The following GRID1 variants were observed in gnomAD, a reference collection of about 807,000 sequenced individuals.
GRID1 encodes glutamate receptor ionotropic, delta-1.
GRID1 carries 28 observed loss-of-function variants against 98.0 expected under a neutral mutation model. The observed-to-expected ratio is 0.29, with a 90% CI of 0.21 to 0.39. The LOEUF is 0.39. Among genes scored for constraint, GRID1 ranks in the 10% least tolerant of loss-of-function variants. The probability of loss-of-function intolerance (pLI) is 1.00; values close to 1 mark genes in which losing one functional copy is unlikely to be tolerated. For missense variants in GRID1, 1,111 were observed against 1,340.5 expected, an observed-to-expected ratio of 0.83 and a Z score of 2.67; for synonymous variants, 553 against 538.5, an observed-to-expected ratio of 1.03 and a Z score of -0.37.
intron 2 of GRID1, among the ~76,000 whole-genome samples, chr10:86,254,019 T>C (rs1296009895): frequency 6.6e-6 from 1 of 151,860 alleles, no homozygotes; most frequent in Non-Finnish European, 1.5e-5. Context: ...CCTTGATTTG[T>C]CACCTGTCAC....
chr10:86,252,542 T>C (rs1400681834), intron 2 of GRID1, among the ~76,000 whole-genome samples: 4 of 152,248 alleles, frequency 2.6e-5, no homozygotes, highest in Admixed American at 1.3e-4. Flanking sequence ...ACACCATCTC[T>C]ACTTTGGTGT....
intron 4 of GRID1, among the ~76,000 whole-genome samples, chr10:86,037,811 T>C (rs879388386): frequency 6.6e-6 from 1 of 152,128 alleles, no homozygotes; most frequent in Admixed American, 6.5e-5. Flanking sequence ...TGGGAAGCCC[T>C]GAGTTGTGCA....
intron 4 of GRID1, among the ~76,000 whole-genome samples, chr10:85,985,330 T>G (rs1341848127): frequency 1.3e-5 from 2 of 152,162 alleles, no homozygotes; most frequent in Non-Finnish European, 2.9e-5. Flanking sequence ...GTCCAGGGCA[T>G]TTTCTGCCAT....
chr10:85,689,482 T>C (rs1163103547), intron 12 of GRID1, among the ~76,000 whole-genome samples: 1 of 150,760 alleles, frequency 6.6e-6, no homozygotes. Flanking sequence ...TCTATAGTTA[T>C]AGAGGCTAGA....
chr10:85,855,322 G>A (rs988553022), intron 7 of GRID1, among the ~76,000 whole-genome samples: 6 of 152,228 alleles, frequency 3.9e-5, no homozygotes, highest in African/African-American at 1.2e-4. Flanking sequence ...GAGCCGTGGT[G>A]AGCCCCTTTC....
chr10:86,203,472 G>C (rs1845981750), intron 3 of GRID1, among the ~76,000 whole-genome samples: 1 of 149,644 alleles, frequency 6.7e-6, no homozygotes, highest in South Asian at 2.1e-4. Context: ...AAGCATGTTG[G>C]AAATGGGCAG....
intron 8 of GRID1, among the ~76,000 whole-genome samples, chr10:85,820,046 GC>G (rs1231931165): frequency 8.6e-6 from 1 of 115,802 alleles, no homozygotes; most frequent in African/African-American, 3.9e-5. Context: ...AGGCAGGCAG[GC>G]AGGCAGGCAG....
intron 4 of GRID1, among the ~76,000 whole-genome samples, chr10:86,124,548 G>A (rs956645835): frequency 6.6e-6 from 1 of 152,132 alleles, no homozygotes; most frequent in South Asian, 2.1e-4. Context: ...GTGCCCCCAC[G>A]AAACCACTCT....
At position 86,015,453 on chromosome 10, in the gene GRID1, G is replaced by A. The variant is rs759896760; in HGVS notation, c.727-99214C>T. On this transcript the variant is annotated intron_variant, in intron 4 of 15. Coordinates refer to ENST00000327946, the MANE Select transcript of GRID1 (RefSeq NM_017551.3). ...AATGCTCTGGCAGCTATGGCAAAAG[G>A]TGGAAACAGGATAATCTTACCCAAC... Among the ~76,000 whole-genome samples the A allele has an allele frequency of 2.0e-5, 3 of 152,328 alleles. No individual in the cohort carries two copies. The East Asian group carries it at 5.8e-4, about 29-fold the overall frequency.
intron 12 of GRID1, among the ~76,000 whole-genome samples, chr10:85,688,300 T>C (rs1348431668): frequency 6.6e-6 from 1 of 152,162 alleles, no homozygotes; most frequent in East Asian, 1.9e-4. Context: ...ACAGACTTTC[T>C]CTTGGGGAGA....
At chr10:85,809,288 A>G (rs1842648489) in intron 8 of GRID1, among the ~76,000 whole-genome samples, 1 of 152,208 alleles carries the variant, frequency 6.6e-6, no homozygotes, top group Non-Finnish European at 1.5e-5. Context: ...GTCTCAAAAG[A>G]AGAGAAAGTA....
intron 2 of GRID1, among the ~76,000 whole-genome samples, chr10:86,217,400 A>C (rs1846190706): frequency 6.6e-6 from 1 of 152,256 alleles, no homozygotes; most frequent in South Asian, 2.1e-4. Context: ...AACGTTTGTT[A>C]CATAGTAAGT....
At chr10:85,709,266 C>T (rs763318355) in intron 12 of GRID1, 17 of 162,358 alleles carry the variant, frequency 1.0e-4, no homozygotes, top group Non-Finnish European at 1.8e-4. Context: ...TAATGTTCTA[C>T]AGCTTGATAC....
chr10:85,653,595 C>T (rs1185846450), intron 12 of GRID1, among the ~76,000 whole-genome samples: 1 of 152,118 alleles, frequency 6.6e-6, no homozygotes, highest in Non-Finnish European at 1.5e-5. Flanking sequence ...CTGTCTCCGC[C>T]AAAACTCATA....
chr10:85,778,689 T>A (rs573930587), intron 8 of GRID1, among the ~76,000 whole-genome samples: 1 of 152,130 alleles, frequency 6.6e-6, no homozygotes, highest in Non-Finnish European at 1.5e-5. Flanking sequence ...AAAAACAACA[T>A]AGCAAGGTGT....
At chr10:85,968,472 A>G (rs1390995434) in intron 4 of GRID1, among the ~76,000 whole-genome samples, 10 of 149,378 alleles carry the variant, frequency 6.7e-5, no homozygotes, top group African/African-American at 7.4e-5. Context: ...AAAAAAAAAG[A>G]CAACTGCCTG....
chr10:85,903,029 T>C (rs1841411433), intron 5 of GRID1, among the ~76,000 whole-genome samples: 1 of 152,128 alleles, frequency 6.6e-6, no homozygotes, highest in South Asian at 2.1e-4. Context: ...TTTTTAGTAA[T>C]GCAACCCCTC....
At chr10:86,068,070 T>C (rs1035053627) in intron 4 of GRID1, among the ~76,000 whole-genome samples, 1 of 152,210 alleles carries the variant, frequency 6.6e-6, no homozygotes, top group Non-Finnish European at 1.5e-5. Context: ...TGTTAGACAC[T>C]TTCCATTCAC....
At chr10:86,360,609 G>A (rs1171005731) in intron 2 of GRID1, among the ~76,000 whole-genome samples, 1 of 152,188 alleles carries the variant, frequency 6.6e-6, no homozygotes, top group Non-Finnish European at 1.5e-5. Flanking sequence ...AATATCAACG[G>A]CCTCAAGAGA....
Sources: gnomAD v4.1 joint callset for allele counts (sites outside exome capture counted in the v4.1 genomes callset) on GRCh38, gnomAD v4.1.1 for gene constraint, MANE v1.5 for transcripts, NCBI Gene and HGNC (gene_info 2026-07-23, HGNC 2026-07-21) for gene names.